RGS7: variants seen among roughly 807,000 people sequenced by gnomAD.
RGS7 encodes regulator of G protein signaling 7.
Under a neutral mutation model 81.1 loss-of-function variants are expected in RGS7, and 27 were observed. That is an observed-to-expected ratio of 0.33 (90% CI 0.25 to 0.46). The LOEUF (loss-of-function observed/expected upper bound fraction) is 0.46, where lower values mean the gene tolerates loss of function less well. RGS7 is among the 20% of genes least tolerant of loss of function. The pLI is 1.00. For synonymous variants in RGS7, 208 were observed against 207.7 expected (o/e 1.00, Z -0.01); for missense variants, 396 against 607.4 (o/e 0.65, Z 3.66).
At chr1:241,149,368 G>A (rs2068586642) in intron 2 of RGS7, among the ~76,000 whole-genome samples, 1 of 152,082 alleles carries the variant, frequency 6.6e-6, no homozygotes, top group African/African-American at 2.4e-5. Context: ...GTAGAGACGG[G>A]CTGGTCTCAA....
At chr1:240,853,980 C>T (rs185997134) in intron 9 of RGS7, among the ~76,000 whole-genome samples, 12 of 142,704 alleles carry the variant, frequency 8.4e-5, no homozygotes, top group South Asian at 2.3e-4. Flanking sequence ...ATGCTGATTA[C>T]GAAACATACA....
chr1:241,062,652 A>C (rs183810950), intron 3 of RGS7, among the ~76,000 whole-genome samples: 1 of 152,326 alleles, frequency 6.6e-6, no homozygotes, highest in East Asian at 1.9e-4. Context: ...TATTTCTGAA[A>C]AGAAAAATAT....
At chr1:241,322,830 T>G (rs1482323119) in intron 2 of RGS7, among the ~76,000 whole-genome samples, 1 of 152,222 alleles carries the variant, frequency 6.6e-6, no homozygotes, top group Non-Finnish European at 1.5e-5. Context: ...ACAAGATTTT[T>G]TTTAACAAAA....
At chr1:241,133,268 C>T (rs1212302255) in intron 2 of RGS7, among the ~76,000 whole-genome samples, 3 of 150,496 alleles carry the variant, frequency 2.0e-5, no homozygotes, top group African/African-American at 4.9e-5. Flanking sequence ...TAAATGAAAT[C>T]GACTATATAT....
chr1:241,048,787 C>T (rs765978072), intron 3 of RGS7, among the ~76,000 whole-genome samples: 7 of 152,174 alleles, frequency 4.6e-5, no homozygotes, highest in Non-Finnish European at 8.8e-5. Flanking sequence ...CAATGTGCCA[C>T]CAACTGGGTG....
intron 2 of RGS7, among the ~76,000 whole-genome samples, chr1:241,102,550 C>A (rs926086157): frequency 3.3e-5 from 5 of 152,186 alleles, no homozygotes; most frequent in African/African-American, 1.2e-4. Context: ...ATCAGTCATT[C>A]CTTCACTCCT....
At chr1:241,072,922 C>A (rs1322892880) in intron 3 of RGS7, among the ~76,000 whole-genome samples, 2 of 152,100 alleles carry the variant, frequency 1.3e-5, no homozygotes, top group Non-Finnish European at 2.9e-5. Context: ...AAATAATAAA[C>A]CTCTGTGGCC....
At chr1:241,127,528 A>T (rs752471242) in intron 2 of RGS7, among the ~76,000 whole-genome samples, 21 of 151,986 alleles carry the variant, frequency 1.4e-4, no homozygotes, top group Non-Finnish European at 2.6e-4. Context: ...AACATCACAC[A>T]CCGGGGACTG....
intron 10 of RGS7, among the ~76,000 whole-genome samples, chr1:240,824,805 A>G (rs1041756898): frequency 7.2e-5 from 11 of 152,234 alleles, no homozygotes; most frequent in Non-Finnish European, 1.5e-4. Flanking sequence ...TAGGGTGGGA[A>G]CTAATACAAT....
At chr1:241,068,238 G>GTGTGTGTGTGTGTATATATATA in intron 3 of RGS7, among the ~76,000 whole-genome samples, 1 of 35,660 alleles carries the variant, frequency 2.8e-5, no homozygotes, top group African/African-American at 9.5e-5. Flanking sequence ...GTGTGTGTGT[G>GTGTGTGTGTGTGTATATATATA]TATATATATA....
intron 6 of RGS7, among the ~76,000 whole-genome samples, chr1:240,884,621 A>G (rs1030042806): frequency 7.9e-5 from 12 of 152,236 alleles, no homozygotes; most frequent in Admixed American, 7.9e-4. Flanking sequence ...CAACCATTTG[A>G]TCTTCCACAA....
In RGS7 at chr1:240,849,575, T is replaced by A. The variant is rs574315867; in HGVS notation, c.609+19012A>T. On this transcript the variant is annotated intron_variant, in intron 9 of 18. Transcript: ENST00000440928. ...GGAGGTGGGGTCTGGTGGGAGGTGT[T>A]TGGATCATGGGGGTGGATCCCTCAT... Among the ~76,000 whole-genome samples the A allele has an allele frequency of 9.2e-5, 14 of 152,258 alleles. No individual in the cohort carries two copies. In the South Asian group the frequency reaches 2.7e-3, roughly 29 times the overall value.
intron 3 of RGS7, among the ~76,000 whole-genome samples, chr1:240,986,965 G>A (rs181010680): frequency 2.8e-4 from 42 of 152,152 alleles, no homozygotes; most frequent in Admixed American, 1.2e-3. Context: ...GATCTGAACG[G>A]CAAACGAGCT....
At chr1:240,930,323 G>A (rs911447798) in intron 6 of RGS7, among the ~76,000 whole-genome samples, 7 of 149,174 alleles carry the variant, frequency 4.7e-5, no homozygotes, top group Admixed American at 1.3e-4. Context: ...TGAGAAAAGC[G>A]GACCCTTGGG....
chr1:241,275,663 A>T (rs1399076637), intron 2 of RGS7, among the ~76,000 whole-genome samples: 1 of 152,198 alleles, frequency 6.6e-6, no homozygotes, highest in African/African-American at 2.4e-5. Context: ...CATGTCAAGG[A>T]ACTTCTTTTT....
intron 3 of RGS7, among the ~76,000 whole-genome samples, chr1:241,013,921 C>A (rs1053519987): frequency 1.3e-5 from 2 of 152,154 alleles, no homozygotes; most frequent in Non-Finnish European, 2.9e-5. Context: ...ATTAATGGGG[C>A]CTTTCAGTTT....
intron 3 of RGS7, among the ~76,000 whole-genome samples, chr1:241,001,872 A>C (rs1345970030): frequency 6.6e-6 from 1 of 152,142 alleles, no homozygotes; most frequent in Non-Finnish European, 1.5e-5. Context: ...TATAACCCAT[A>C]GAATGCACAA....
chr1:240,989,704 TA>T (rs546201254), intron 3 of RGS7, among the ~76,000 whole-genome samples: 202 of 152,190 alleles, frequency 1.3e-3, no homozygotes, highest in African/African-American at 4.6e-3. Context: ...TTTTTTAATT[TA>T]AAAAAATTGC....
intron 3 of RGS7, among the ~76,000 whole-genome samples, chr1:241,090,599 G>A (rs2063811743): frequency 6.6e-6 from 1 of 152,066 alleles, no homozygotes; most frequent in Admixed American, 6.5e-5. Flanking sequence ...TTGATGTGTT[G>A]CTATTTCAAT....
Sources: gnomAD v4.1 joint callset for allele counts (sites outside exome capture counted in the v4.1 genomes callset) on GRCh38, gnomAD v4.1.1 for gene constraint, MANE v1.5 for transcripts, NCBI Gene and HGNC (gene_info 2026-07-23, HGNC 2026-07-21) for gene names.